The following MTA3 variants were observed in gnomAD, a reference collection of about 807,000 sequenced individuals.
MTA3 encodes metastasis-associated protein MTA3.
In MTA3, 34 loss-of-function variants were observed where a neutral mutation model predicts 83.5. The ratio of observed to expected loss-of-function variants is 0.41; its 90% CI spans 0.31 to 0.54. The LOEUF (loss-of-function observed/expected upper bound fraction) is 0.54. Among genes scored for constraint, MTA3 ranks in the 20% least tolerant of loss-of-function variants. The probability of loss-of-function intolerance (pLI) is 0.33; values close to 1 mark genes in which losing one functional copy is unlikely to be tolerated. For synonymous variants in MTA3, 303 were observed against 252.7 expected (o/e 1.20, Z -1.89); for missense variants, 761 against 726.4 (o/e 1.05, Z -0.55).
At chr2:42,574,631 G>T (rs1678850522) in intron 2 of MTA3, among the ~76,000 whole-genome samples, 1 of 150,342 alleles carries the variant, frequency 6.7e-6, no homozygotes, top group Admixed American at 6.6e-5. Context: ...TGAAGACAGG[G>T]TTTCACCATG....
At chr2:42,561,176 C>T (rs754445356) in intron 2 of MTA3, among the ~76,000 whole-genome samples, 1 of 152,050 alleles carries the variant, frequency 6.6e-6, no homozygotes, top group Non-Finnish European at 1.5e-5. Context: ...CAAGTGTTCA[C>T]TCTATTTCAT....
At chr2:42,713,367 CT>C (rs1260493469) in intron 14 of MTA3, among the ~76,000 whole-genome samples, 7 of 152,016 alleles carry the variant, frequency 4.6e-5, no homozygotes, top group African/African-American at 1.7e-4. Context: ...TGAGTATAAG[CT>C]TTTCTGAAAT....
chr2:42,649,193 G>C (rs1041101081), intron 6 of MTA3, among the ~76,000 whole-genome samples: 1 of 152,072 alleles, frequency 6.6e-6, no homozygotes, highest in Non-Finnish European at 1.5e-5. Flanking sequence ...TCAGGAGTTC[G>C]AGACCAGTTT....
At chr2:42,746,385 C>T (rs190762995) in intron 16 of MTA3, among the ~76,000 whole-genome samples, 1 of 152,174 alleles carries the variant, frequency 6.6e-6, no homozygotes, top group Non-Finnish European at 1.5e-5. Flanking sequence ...GAACAACAAT[C>T]GACACAGAAG....
chr2:42,575,435 G>A (rs936956515), intron 2 of MTA3, among the ~76,000 whole-genome samples: 1 of 152,172 alleles, frequency 6.6e-6, no homozygotes. Context: ...TGAAATGTCT[G>A]ATGTTAATGC....
At chr2:42,523,841 C>T (rs1159959870) in intron 2 of MTA3, among the ~76,000 whole-genome samples, 4 of 152,004 alleles carry the variant, frequency 2.6e-5, no homozygotes, top group Admixed American at 1.3e-4. Context: ...TCACTTGAGC[C>T]GGGAAGTCAA....
At chr2:42,736,405 G>A (rs1219636211) in intron 16 of MTA3, among the ~76,000 whole-genome samples, 1 of 152,104 alleles carries the variant, frequency 6.6e-6, no homozygotes, top group African/African-American at 2.4e-5. Context: ...ACAGCACTGG[G>A]GCTCACCCAA....
chr2:42,681,346 A>T (rs534244366), intron 8 of MTA3, among the ~76,000 whole-genome samples: 3 of 152,134 alleles, frequency 2.0e-5, no homozygotes, highest in Admixed American at 6.5e-5. Context: ...TAAATATCAT[A>T]CTCTGCTCCA....
chr2:42,754,713 G>A lies in MTA3; in HGVS notation c.*1314G>A, dbSNP rs191873946. On this transcript the variant is annotated 3_prime_UTR_variant, in exon 17 of 17. Transcript: ENST00000405094. ...TGGGGTTACTAGGAGGCAGCTGGATGGCAGATACGAGAGGCCCAAATAGCC... is the reference window on the plus strand; with the variant it reads ...TGGGGTTACTAGGAGGCAGCTGGATAGCAGATACGAGAGGCCCAAATAGCC... 2,380 of 985,516 alleles carry A rather than the reference G, an allele frequency of 2.4e-3. 2 individuals carry two copies. Among genetic ancestry groups the A allele is most frequent in the Non-Finnish European group, 2.7e-3 (2,219 of 829,982 alleles). The allele number at this position is 985,516 out of a possible 1,614,324, so 61.0% of individuals were successfully genotyped here.
chr2:42,738,484 TA>T (rs1436774710), intron 16 of MTA3, among the ~76,000 whole-genome samples: 1 of 152,210 alleles, frequency 6.6e-6, no homozygotes, highest in Non-Finnish European at 1.5e-5. Context: ...TTCAATCTCT[TA>T]ATCCTGTCAG....
At chr2:42,653,692 A>T (rs910428821) in intron 6 of MTA3, among the ~76,000 whole-genome samples, 9 of 152,180 alleles carry the variant, frequency 5.9e-5, no homozygotes, top group Admixed American at 3.3e-4. Flanking sequence ...CAGTGAATTT[A>T]TTTAGAATTC....
intron 8 of MTA3, among the ~76,000 whole-genome samples, chr2:42,678,312 G>A (rs1441001554): frequency 6.6e-6 from 1 of 152,016 alleles, no homozygotes; most frequent in African/African-American, 2.4e-5. Flanking sequence ...CTTCTGTTTT[G>A]TGAAAGCCAA....
intron 11 of MTA3, among the ~76,000 whole-genome samples, chr2:42,701,659 T>A (rs1665571452): frequency 6.6e-6 from 1 of 152,180 alleles, no homozygotes; most frequent in African/African-American, 2.4e-5. Flanking sequence ...CTTACGCCTG[T>A]AATCCCAGCA....
At chr2:42,734,345 G>A (rs1668457888) in intron 16 of MTA3, among the ~76,000 whole-genome samples, 1 of 149,480 alleles carries the variant, frequency 6.7e-6, no homozygotes. Flanking sequence ...TATAAGTATA[G>A]CTACTCCTGC....
At chr2:42,615,362 A>AT (rs1034047126) in intron 4 of MTA3, among the ~76,000 whole-genome samples, 31 of 142,320 alleles carry the variant, frequency 2.2e-4, no homozygotes, top group African/African-American at 7.3e-4. Flanking sequence ...TTTATTTTTT[A>AT]TTTTTTTTGA....
chr2:42,741,808 A>C (rs927567675), intron 16 of MTA3, among the ~76,000 whole-genome samples: 10 of 152,252 alleles, frequency 6.6e-5, no homozygotes, highest in African/African-American at 2.4e-4. Context: ...ATTACAGATC[A>C]ACATAACAGA....
intron 2 of MTA3, among the ~76,000 whole-genome samples, chr2:42,571,684 A>C (rs973427262): frequency 3.3e-5 from 5 of 152,298 alleles, no homozygotes; most frequent in Admixed American, 6.5e-5. Flanking sequence ...GCGGTGGCTC[A>C]CGCCTGTAAT....
chr2:42,654,375 C>T (rs1292193061), intron 6 of MTA3, among the ~76,000 whole-genome samples: 1 of 152,168 alleles, frequency 6.6e-6, no homozygotes, highest in Non-Finnish European at 1.5e-5. Context: ...TTATGTCAGC[C>T]GTTGCAAGCC....
chr2:42,623,329 A>G (rs1685755444), intron 4 of MTA3, among the ~76,000 whole-genome samples: 1 of 152,146 alleles, frequency 6.6e-6, no homozygotes, highest in African/African-American at 2.4e-5. Context: ...TGCTATGCGA[A>G]GGGTACTTGC....
Sources: allele counts gnomAD v4.1 joint callset (sites outside exome capture counted in the v4.1 genomes callset), GRCh38; gene constraint gnomAD v4.1.1; transcripts MANE v1.5; gene names NCBI Gene and HGNC (gene_info 2026-07-23, HGNC 2026-07-21).